Variants in CRLS1 observed in about 807,000 individuals in gnomAD.
CRLS1 encodes cardiolipin synthase 1.
A neutral mutation model predicts 37.0 loss-of-function variants in CRLS1; 24 were observed. The observed-to-expected ratio is 0.65, with a 90% CI of 0.47 to 0.91. The LOEUF is 0.91. CRLS1 is among the 40% of genes least tolerant of loss of function. The pLI is 0.00. For missense variants in CRLS1, 373 were observed against 395.8 expected, an observed-to-expected ratio of 0.94 and a Z score of 0.49; for synonymous variants, 135 against 159.7, an observed-to-expected ratio of 0.85 and a Z score of 1.17.
chr20:6,008,112 G>A (rs2090083797), intron 1 of CRLS1, among the ~76,000 whole-genome samples: 1 of 117,106 alleles, frequency 8.5e-6, no homozygotes, highest in Non-Finnish European at 1.8e-5. Context: ...TTTTTTTACA[G>A]GATAGTTCAT....
intron 3 of CRLS1, among the ~76,000 whole-genome samples, chr20:6,026,663 A>G (rs930927936): frequency 6.6e-6 from 1 of 152,130 alleles, no homozygotes; most frequent in East Asian, 1.9e-4. Context: ...TGAGGCATGA[A>G]AAGTTCATTG....
chr20:6,031,229 T>C, intron 3 of CRLS1, 56 bp from the exon 4 acceptor site: 1 of 1,099,366 alleles, frequency 9.1e-7, no homozygotes, highest in Non-Finnish European at 1.3e-6. Context: ...GTATTCATAA[T>C]GCATATTAGT....
chr20:6,036,064 C>G (rs1439140826), intron 6 of CRLS1, among the ~76,000 whole-genome samples: 1 of 152,120 alleles, frequency 6.6e-6, no homozygotes, highest in Non-Finnish European at 1.5e-5. Context: ...CTCAGCCTCT[C>G]AAAGTGCTGG....
At chr20:6,029,622 G>A (rs1407623607) in intron 3 of CRLS1, among the ~76,000 whole-genome samples, 1 of 152,150 alleles carries the variant, frequency 6.6e-6, no homozygotes, top group Non-Finnish European at 1.5e-5. Context: ...GCCTCCCAAG[G>A]TGCTGGGATT....
At chr20:6,037,027 T>A (rs779353516) in intron 6 of CRLS1, 47 bp from the exon 7 acceptor site, 2 of 1,360,360 alleles carry the variant, frequency 1.5e-6, no homozygotes, top group African/African-American at 1.4e-5. Flanking sequence ...GTTGCTACTA[T>A]TTTTTAGACT....
intron 3 of CRLS1, among the ~76,000 whole-genome samples, chr20:6,017,144 G>A (rs988323693): frequency 2.6e-5 from 4 of 151,902 alleles, no homozygotes; most frequent in East Asian, 3.9e-4. Flanking sequence ...GCATCACCAC[G>A]CCTGGCTAAT....
chr20:6,017,662 T>G (rs1235348925), intron 3 of CRLS1, among the ~76,000 whole-genome samples: 1 of 152,210 alleles, frequency 6.6e-6, no homozygotes, highest in East Asian at 1.9e-4. Context: ...AATTTTAGAA[T>G]CAGCTTTTCT....
intron 3 of CRLS1, among the ~76,000 whole-genome samples, chr20:6,024,109 C>T (rs1979488076): frequency 6.6e-6 from 1 of 152,082 alleles, no homozygotes; most frequent in Non-Finnish European, 1.5e-5. Context: ...TACACCACCA[C>T]ACACCCAGCT....
At chr20:6,012,307 G>A (rs895861285) in intron 2 of CRLS1, among the ~76,000 whole-genome samples, 16 of 152,300 alleles carry the variant, frequency 1.1e-4, no homozygotes, top group Middle Eastern at 6.8e-3. Flanking sequence ...AGCTGAGTAA[G>A]TGGTTAGGGG....
intron 5 of CRLS1, among the ~76,000 whole-genome samples, chr20:6,032,614 G>A (rs1980251759): frequency 6.6e-6 from 1 of 152,174 alleles, no homozygotes; most frequent in Admixed American, 6.5e-5. Flanking sequence ...TGATAGTTAA[G>A]TGGAAAGGGA....
intron 1 of CRLS1, chr20:6,007,357 T>C (rs1442798111): frequency 6.2e-7 from 1 of 1,612,674 alleles, no homozygotes; most frequent in Non-Finnish European, 8.5e-7. Context: ...GAAGTTGCCA[T>C]ATCCTGACTG....
At chr20:6,009,979 T>C (rs6085346) in intron 2 of CRLS1, 67 bp downstream of exon 2, 163,272 of 1,477,538 alleles carry the variant, frequency 0.11, 10,042 homozygotes, top group Middle Eastern at 0.23. Context: ...TAAACCGAAA[T>C]AGCATAGCCT....
At chr20:6,011,572 C>CTT (rs559511975) in intron 2 of CRLS1, among the ~76,000 whole-genome samples, 627 of 27,848 alleles carry the variant, frequency 0.023, 105 homozygotes, top group East Asian at 0.092. Context: ...TTTGTCCCTG[C>CTT]TTTTTTTTTT....
At position 6,034,535 on chromosome 20, in the gene CRLS1, C is replaced by A. The variant is rs2123030744; in HGVS notation, c.801C>A (p.Ser267Arg). The A allele has an allele frequency of 6.2e-7, 1 of 1,610,890 alleles. No individual in the cohort carries two copies. Among genetic ancestry groups the A allele is most frequent in the South Asian group, 1.1e-5 (1 of 91,002 alleles). ...LAAPVFNYADSIYLQILWCFT... is the reference protein window; with the variant it reads ...LAAPVFNYADRIYLQILWCFT... ...CTCCAGTTTTCAACTATGCTGACAG[C>A]ATTTATCTTCAGATACTATGGTAAG... is the stretch of plus-strand genomic sequence containing the variant. Residue 267 changes from serine (S) to arginine (R), a missense_variant, in exon 6 of 7, where the codon AGC becomes AGA. Physicochemically the swap from Ser to Arg is moderately radical, Grantham distance 110. Coordinates refer to ENST00000378863, the MANE Select transcript of CRLS1 (RefSeq NM_019095.6).
chr20:6,035,152 A>G (rs1481551581), intron 6 of CRLS1, among the ~76,000 whole-genome samples: 2 of 152,264 alleles, frequency 1.3e-5, no homozygotes, highest in Non-Finnish European at 2.9e-5. Context: ...TGCTTGGTAC[A>G]GTCTGGACCA....
rs1268557186 is a variant in CRLS1 at position 6,039,402 on chromosome 20, T to C, written c.*2244T>C. On this transcript the variant is annotated 3_prime_UTR_variant, in exon 7 of 7. Coordinates refer to ENST00000378863, the MANE Select transcript of CRLS1 (RefSeq NM_019095.6). ...AAATCATTTAGGCCAATTCTTTTAG[T>C]TACATTTATGATGAAACTAGGGATC... 1 of 152,138 alleles carries C rather than the reference T, an allele frequency of 6.6e-6. No homozygotes were observed. The highest frequency in any genetic ancestry group is 2.4e-5 in the African/African-American group (1 of 41,416). 9.4% of individuals were successfully genotyped at this position (152,138 alleles called of 1,614,324 possible). A position where few individuals can be genotyped will look rare whatever the true frequency, so the allele number is the denominator to read the frequency against.
chr20:6,012,386 C>T (rs964640583), intron 2 of CRLS1, among the ~76,000 whole-genome samples: 8 of 151,984 alleles, frequency 5.3e-5, no homozygotes, highest in Admixed American at 2.0e-4. Flanking sequence ...CCATGGCAGC[C>T]GTGGTGGGAG....
chr20:6,014,349 A>G (rs1393108110), intron 2 of CRLS1, among the ~76,000 whole-genome samples: 2 of 152,232 alleles, frequency 1.3e-5, no homozygotes, highest in Non-Finnish European at 2.9e-5. Context: ...GTCCTGGACT[A>G]CCGCTGTCTC....
rs1980168484 is a variant in CRLS1 at position 6,031,497 on chromosome 20, A to G, written c.660+127A>G. The G allele has an allele frequency of 7.9e-6, 5 of 629,824 alleles. No individual in the cohort carries two copies. In the East Asian group the frequency reaches 1.4e-4, roughly 18 times the overall value. 39.0% of individuals were successfully genotyped at this position (629,824 alleles called of 1,614,324 possible). A position where few individuals can be genotyped will look rare whatever the true frequency, so the allele number is the denominator to read the frequency against. On this transcript the variant is annotated intron_variant, in intron 4 of 6. Transcript: ENST00000378863. ...GTGAAACCCAGACTAGCCAGCCCCT[A>G]TCCCTAGAAGCAAATTCTTTAAAGG...
Sources: allele counts gnomAD v4.1 joint callset (sites outside exome capture counted in the v4.1 genomes callset), GRCh38; gene constraint gnomAD v4.1.1; transcripts MANE v1.5; gene names NCBI Gene and HGNC (gene_info 2026-07-23, HGNC 2026-07-21).